MUC22: variants seen among roughly 807,000 people sequenced by gnomAD.
MUC22 encodes the protein mucin 22.
MUC22 carries 24 observed loss-of-function variants against 40.3 expected under a neutral mutation model. The observed-to-expected ratio is 0.60, with a 90% CI of 0.43 to 0.84. The LOEUF (loss-of-function observed/expected upper bound fraction) is 0.84. Among genes scored for constraint, MUC22 ranks in the 40% least tolerant of loss-of-function variants. MUC22 has a pLI of 0.00. For missense variants in MUC22, 1,926 were observed against 2,130.7 expected, an observed-to-expected ratio of 0.90 and a Z score of 1.89; for synonymous variants, 765 against 844.5, an observed-to-expected ratio of 0.91 and a Z score of 1.63.
At chr6:31,035,250 GT>G (rs1406532554) in exon 4 of MUC22, 4 of 356,782 alleles carry the variant, frequency 1.1e-5, no homozygotes, top group Non-Finnish European at 2.0e-5. Flanking sequence ...GTTGTGGGGA[GT>G]CACGACAACC....
chr6:31,012,556 T>TG (rs9281100), intron 1 of MUC22, among the ~76,000 whole-genome samples: 22,105 of 152,260 alleles, frequency 0.15, 1,769 homozygotes, highest in African/African-American at 0.19. Context: ...TGCTAGGCCA[T>TG]GGTGAGGAAT....
Position 31,028,863 on chromosome 6 carries a change from GA to G in MUC22, c.3433del (p.Thr1145LeufsTer251), listed in dbSNP as rs1765712043. The G allele has an allele frequency of 6.5e-7, 1 of 1,531,804 alleles. No individual in the cohort carries two copies. The highest frequency in any genetic ancestry group is 8.7e-7 in the Non-Finnish European group (1 of 1,145,368). The allele number at this position is 1,531,804 out of a possible 1,614,324, so 94.9% of individuals were successfully genotyped here. ...CCACAGCCTCTACTGAAGGCTCTGA[GA>G]CTACCACCACCTCTACTGAAGGCTC... On this transcript the variant is annotated frameshift_variant, in exon 2 of 4. Transcript: ENST00000561890. LOFTEE classifies it high-confidence loss of function.
chr6:31,028,729 A>G, exon 2 of MUC22: 1 of 1,530,706 alleles, frequency 6.5e-7, no homozygotes, highest in Non-Finnish European at 8.7e-7. Context: ...CACCACCTCT[A>G]CTGAAGGCTC....
intron 1 of MUC22, among the ~76,000 whole-genome samples, chr6:31,022,521 T>C (rs1362820336): frequency 6.6e-6 from 1 of 151,946 alleles, no homozygotes; most frequent in Non-Finnish European, 1.5e-5. Flanking sequence ...CAAAAAAGAA[T>C]GAAGTGTGCT....
chr6:31,009,315 C>A (rs1160164188), upstream of MUC22, among the ~76,000 whole-genome samples: 1 of 152,192 alleles, frequency 6.6e-6, no homozygotes, highest in Non-Finnish European at 1.5e-5. Flanking sequence ...AATCCTCCCA[C>A]CTCAGCCTCT....
At chr6:31,007,237 T>C (rs1480911092), upstream of MUC22, among the ~76,000 whole-genome samples, 1 of 148,416 alleles carries the variant, frequency 6.7e-6, no homozygotes, top group Non-Finnish European at 1.5e-5. The surrounding 1 kb of genome is among the most constrained non-coding windows in gnomAD (Gnocchi z 4.0). Context: ...ACAGAAAATT[T>C]GAAGATGGGC....
At chr6:31,010,112 C>G (rs1763762711), upstream of MUC22, among the ~76,000 whole-genome samples, 1 of 152,172 alleles carries the variant, frequency 6.6e-6, no homozygotes, top group African/African-American at 2.4e-5. Flanking sequence ...CCTTTACCAT[C>G]CATTTGTTTC....
chr6:31,027,455 T>C (rs1765515000), exon 2 of MUC22: 2 of 1,527,424 alleles, frequency 1.3e-6, no homozygotes, highest in African/African-American at 1.4e-5. Context: ...GGCTCTGAGA[T>C]GACTGCAGTC....
chr6:31,016,678 C>T (rs1035993540), intron 1 of MUC22, among the ~76,000 whole-genome samples: 4 of 152,270 alleles, frequency 2.6e-5, no homozygotes, highest in Non-Finnish European at 5.9e-5. Context: ...TCGGCCTCGC[C>T]ACCCATTCTG....
exon 2 of MUC22, chr6:31,025,568 A>G: frequency 1.3e-6 from 2 of 1,526,270 alleles, no homozygotes; most frequent in Non-Finnish European, 1.8e-6. Flanking sequence ...ACAGGCTCTG[A>G]GACCACCATG....
exon 2 of MUC22, chr6:31,029,167 A>G: frequency 6.5e-7 from 1 of 1,535,224 alleles, no homozygotes; most frequent in Non-Finnish European, 8.7e-7. Flanking sequence ...CTCTGAGACC[A>G]CCACAGCCTC....
At position 31,026,621 on chromosome 6, in the gene MUC22, CCA is replaced by C; in HGVS notation, c.1193_1194del (p.Thr398SerfsTer7). On this transcript the variant is annotated frameshift_variant, in exon 2 of 4. Coordinates refer to ENST00000561890, the Ensembl canonical transcript of MUC22. LOFTEE classifies it high-confidence loss of function. ...ACCTCTACTGCAGGCTCTGAGACCACCACAGTCTCCACCGTGGGCTCTGAGAC... is the reference window on the plus strand; with the variant it reads ...ACCTCTACTGCAGGCTCTGAGACCACCAGTCTCCACCGTGGGCTCTGAGAC... The C allele has an allele frequency of 6.6e-7, 1 of 1,507,962 alleles. No homozygotes were observed. 93.4% of individuals were successfully genotyped at this position (1,507,962 alleles called of 1,614,324 possible). A position where few individuals can be genotyped will look rare whatever the true frequency, so the allele number is the denominator to read the frequency against.
intron 1 of MUC22, among the ~76,000 whole-genome samples, chr6:31,023,132 CAAAACAAAACAA>C (rs1051334557): frequency 1.5e-5 from 2 of 134,286 alleles, no homozygotes; most frequent in Non-Finnish European, 3.2e-5. Context: ...GCTCAAAAAA[CAAAACAAAACAA>C]AAAACAAAAT....
rs190445444 is a variant in MUC22, at chr6:31,028,100, C to T, written c.2669C>T (p.Thr890Ile). Reference sequence around the variant, plus strand: ...AGCTCTGAGACCACCACAGCCTCTACTGAAGGCTCTGAGACCACTACAGTC... The same window carrying T: ...AGCTCTGAGACCACCACAGCCTCTATTGAAGGCTCTGAGACCACTACAGTC... The change falls in exon 2 of 4, where the codon ACT (threonine) becomes ATT (isoleucine). Residue 890 changes from threonine (T) to isoleucine (I), a missense_variant. Physicochemically the swap from Thr to Ile is moderately conservative, Grantham distance 89. This residue lies in a region of MUC22 where 1,281 missense variants were observed against 1,337.8 expected (regional missense o/e 0.96). Transcript: ENST00000561890. 2.9e-4 allele frequency: 445 copies of T among 1,534,510 alleles called. 4 individuals carry two copies. The highest frequency in any genetic ancestry group is 1.7e-3 in the Middle Eastern group (10 of 5,984).
At position 31,032,428 on chromosome 6, in the gene MUC22, G is replaced by A. The variant is rs1306913316; in HGVS notation, c.4902G>A (p.Pro1634=). 28 of 1,535,542 alleles carry A rather than the reference G, an allele frequency of 1.8e-5. No individual in the cohort carries two copies. Among genetic ancestry groups the A allele is most frequent in the African/African-American group, 6.8e-5 (5 of 73,022 alleles). Residue 1634 remains proline, a synonymous_variant, in exon 3 of 4, where the codon CCG becomes CCA. Transcript: ENST00000561890. This position sits in a 1 kb window ranked among gnomAD's most constrained non-coding sequence, Gnocchi z 4.1. ...GCAGCACCTTCCAGGAAACAGGCCC[G>A]GTGTCCATGGGCACAAACACAGTTA...
chr6:31,026,181 A>G (rs2523897), exon 2 of MUC22: 1,282,716 of 1,534,846 alleles, frequency 0.84, 536,923 homozygotes, highest in African/African-American at 0.91. Context: ...TGATCACGGC[A>G]TCCAGCATGA....
At chr6:31,027,933 G>A in exon 2 of MUC22, 1 of 1,534,672 alleles carries the variant, frequency 6.5e-7, no homozygotes, top group Non-Finnish European at 8.7e-7. Context: ...AAGGCTCTGG[G>A]ACCACTGCAG....
At position 31,032,072 on chromosome 6, in the gene MUC22, A is replaced by T; in HGVS notation, c.4670-124A>T. 9.4e-7 allele frequency: 1 copy of T among 1,066,354 alleles called. No individual in the cohort carries two copies. Among genetic ancestry groups the T allele is most frequent in the South Asian group, 1.7e-5 (1 of 60,282 alleles). The allele number at this position is 1,066,354 out of a possible 1,614,324, so 66.1% of individuals were successfully genotyped here. A position where few individuals can be genotyped will look rare whatever the true frequency, so the allele number is the denominator to read the frequency against. ...TTTCTACCATCTCTCCTCCCCCACC[A>T]CACCTCTCCTGAGCCACCTCCACCA... On this transcript the variant is annotated intron_variant, in intron 2 of 3. Coordinates refer to ENST00000561890, the Ensembl canonical transcript of MUC22. This position sits in a 1 kb window ranked among gnomAD's most constrained non-coding sequence, Gnocchi z 4.1.
chr6:31,022,713 G>T (rs9262539), intron 1 of MUC22, among the ~76,000 whole-genome samples: 31,290 of 152,092 alleles, frequency 0.21, 3,387 homozygotes, highest in Admixed American at 0.25. Flanking sequence ...TGCCTTTACA[G>T]GAAGAGGAAT....
Sources: allele counts gnomAD v4.1 joint callset (sites outside exome capture counted in the v4.1 genomes callset), GRCh38; gene constraint gnomAD v4.1.1; regional missense constraint gnomAD v4.1.1; non-coding constraint Gnocchi (gnomAD v3.1); transcripts MANE v1.5; gene names NCBI Gene and HGNC (gene_info 2026-07-23, HGNC 2026-07-21).